The following DNAH5 variants were observed in gnomAD, a reference collection of about 807,000 sequenced individuals.
DNAH5 encodes axonemal beta dynein heavy chain 5.
In DNAH5, 372 loss-of-function variants were observed where a neutral mutation model predicts 518.2. The observed-to-expected ratio is 0.72, with a 90% CI of 0.66 to 0.78. DNAH5 has a LOEUF of 0.78. Ranked by LOEUF, DNAH5 falls within the 30% of genes least tolerant of loss-of-function variation. The pLI is 0.00. For synonymous variants in DNAH5, 2,039 were observed against 2,025.9 expected, an observed-to-expected ratio of 1.01 and a Z score of -0.17; for missense variants, 5,523 against 5,687.0, an observed-to-expected ratio of 0.97 and a Z score of 0.93.
At chr5:13,808,299 G>A (rs182906140) in intron 46 of DNAH5, among the ~76,000 whole-genome samples, 2 of 151,106 alleles carry the variant, frequency 1.3e-5, no homozygotes, top group African/African-American at 4.9e-5. Context: ...ACAGTGAGAA[G>A]GCAGCCATCT....
At chr5:13,947,882 T>C (rs748094623), upstream of DNAH5, among the ~76,000 whole-genome samples, 117 of 152,232 alleles carry the variant, frequency 7.7e-4, 2 homozygotes, top group Admixed American at 7.6e-3. Context: ...CGCTGCACAT[T>C]TGTCTTCACG....
intron 66 of DNAH5, 111 bp from the exon 67 acceptor site, chr5:13,736,043 G>T: frequency 1.2e-6 from 1 of 805,742 alleles, no homozygotes; most frequent in Non-Finnish European, 2.2e-6. Flanking sequence ...ATTTTAGGCA[G>T]TGGCTGCCTA....
chr5:13,869,102 C>T (rs960318452), intron 24 of DNAH5, among the ~76,000 whole-genome samples: 7 of 152,166 alleles, frequency 4.6e-5, no homozygotes, highest in Non-Finnish European at 8.8e-5. Context: ...CTTGATGTTT[C>T]AACCCAAGGA....
At chr5:13,832,835 T>G (rs1763849921) in intron 35 of DNAH5, among the ~76,000 whole-genome samples, 1 of 152,184 alleles carries the variant, frequency 6.6e-6, no homozygotes, top group Non-Finnish European at 1.5e-5. Context: ...TGATGCCAAA[T>G]GAAAAGCAAC....
intron 70 of DNAH5, among the ~76,000 whole-genome samples, chr5:13,724,493 CAAGTT>C (rs780584492): frequency 6.6e-6 from 1 of 152,112 alleles, no homozygotes; most frequent in Non-Finnish European, 1.5e-5. Flanking sequence ...GATGCTGTAA[CAAGTT>C]AAGACTTTAG....
At chr5:13,976,027 TC>T (rs527297749) in intron 1 of DNAH5, among the ~76,000 whole-genome samples, 1,852 of 152,250 alleles carry the variant, frequency 0.012, 36 homozygotes, top group African/African-American at 0.042. Context: ...AGACTCTGCA[TC>T]TAAAAAAATT....
intron 47 of DNAH5, among the ~76,000 whole-genome samples, chr5:13,797,237 A>C (rs570230853): frequency 1.1e-3 from 172 of 152,356 alleles, no homozygotes; most frequent in African/African-American, 4.0e-3. Context: ...TGCACAGCAA[A>C]AGAAACTACT....
In DNAH5 at chr5:13,696,699, A is replaced by G. The variant is rs150545730; in HGVS notation, c.13723+3941T>C. On this transcript the variant is annotated intron_variant, in intron 78 of 78. Transcript: ENST00000265104. ...ATTATCAAAATTGAGTAAAAATTAA[A>G]TATATCGCATGAAAGGGGTAACAGA... 2.6e-4 allele frequency among the ~76,000 whole-genome samples: 40 copies of G among 152,322 alleles called. No individual in the cohort carries two copies. In the East Asian group the frequency reaches 7.5e-3, roughly 29 times the overall value.
intron 52 of DNAH5, among the ~76,000 whole-genome samples, chr5:13,781,800 G>A (rs1291324532): frequency 6.6e-6 from 1 of 151,968 alleles, no homozygotes; most frequent in Non-Finnish European, 1.5e-5. Context: ...TAATACATAT[G>A]GTATAGATGT....
At position 13,905,360 on chromosome 5, in the gene DNAH5, C is replaced by CCTCTCTTGCTTTCTCAAG. The variant is rs539475806; in HGVS notation, c.1645-3240_1645-3223dup. Among the ~76,000 whole-genome samples, 34 of 152,304 alleles carry CCTCTCTTGCTTTCTCAAG rather than the reference C, an allele frequency of 2.2e-4. No homozygotes were observed. In the East Asian group the frequency reaches 6.4e-3, roughly 29 times the overall value. ...GGTTGTTATAAAAAACGAGCTCAGC[C>CCTCTCTTGCTTTCTCAAG]CTCTCTTGCTTTCTCAAGCTCTCTT... On this transcript the variant is annotated intron_variant, in intron 12 of 78. Coordinates refer to ENST00000265104, the MANE Select transcript of DNAH5 (RefSeq NM_001369.3).
chr5:13,950,307 G>A (rs1156357219), intron 1 of DNAH5, among the ~76,000 whole-genome samples: 2 of 151,614 alleles, frequency 1.3e-5, no homozygotes, highest in Admixed American at 6.6e-5. Context: ...TTTTGAGATG[G>A]GAGTTTTGCT....
At chr5:13,743,881 C>G (rs2126654860) in intron 65 of DNAH5, among the ~76,000 whole-genome samples, 1 of 152,160 alleles carries the variant, frequency 6.6e-6, no homozygotes, top group Non-Finnish European at 1.5e-5. Context: ...AGAACAACCA[C>G]TATGGAGAAC....
intron 5 of DNAH5, 75 bp from the exon 6 acceptor site, chr5:13,920,692 C>A: frequency 6.5e-7 from 1 of 1,548,556 alleles, no homozygotes; most frequent in South Asian, 1.1e-5. Flanking sequence ...GTGTTTTCCA[C>A]TTTGCTGCAC....
chr5:13,998,847 C>G lies in DNAH5; in HGVS notation c.12+12801G>C, dbSNP rs1214580243. On this transcript the variant is annotated intron_variant, in intron 1 of 78. Coordinates refer to the DNAH5 transcript ENST00000681290. ...ACACATTCATATTGCTTGAGAATTTCTTTTCTTTTTTCCCCATGGCCATTG... is the reference window on the plus strand; with the variant it reads ...ACACATTCATATTGCTTGAGAATTTGTTTTCTTTTTTCCCCATGGCCATTG... 2.0e-5 allele frequency among the ~76,000 whole-genome samples: 3 copies of G among 152,056 alleles called. No individual in the cohort carries two copies. The East Asian group carries it at 5.8e-4, about 29-fold the overall frequency.
intron 1 of DNAH5, among the ~76,000 whole-genome samples, chr5:13,985,235 A>G (rs1561045089): frequency 7.2e-6 from 1 of 138,932 alleles, no homozygotes; most frequent in Non-Finnish European, 1.5e-5. Flanking sequence ...CAACGAGAAC[A>G]CTTGGACACA....
intron 41 of DNAH5, among the ~76,000 whole-genome samples, chr5:13,819,025 C>T (rs1439334258): frequency 6.6e-6 from 1 of 152,070 alleles, no homozygotes; most frequent in African/African-American, 2.4e-5. Context: ...TCAGTGATGC[C>T]ATACAGATTA....
chr5:13,868,729 T>G (rs1363527359), intron 24 of DNAH5, among the ~76,000 whole-genome samples: 1 of 152,212 alleles, frequency 6.6e-6, no homozygotes, highest in East Asian at 1.9e-4. Context: ...CGTGGAGGCA[T>G]GCCTGTGGTC....
intron 65 of DNAH5, among the ~76,000 whole-genome samples, chr5:13,748,890 G>T (rs1749803748): frequency 6.6e-6 from 1 of 151,732 alleles, no homozygotes; most frequent in African/African-American, 2.4e-5. Flanking sequence ...CTGCTTGATT[G>T]CCCTGGCCAG....
chr5:13,877,325 G>C (rs1255317645), intron 21 of DNAH5, among the ~76,000 whole-genome samples: 2 of 152,084 alleles, frequency 1.3e-5, no homozygotes, highest in East Asian at 3.9e-4. Flanking sequence ...AGCTCTCTGA[G>C]AAAAAAAGTC....
Sources: gnomAD v4.1 joint callset for allele counts (sites outside exome capture counted in the v4.1 genomes callset) on GRCh38, gnomAD v4.1.1 for gene constraint, MANE v1.5 for transcripts, NCBI Gene and HGNC (gene_info 2026-07-23, HGNC 2026-07-21) for gene names.